Variants in FREM2 observed in about 807,000 individuals in gnomAD.
The protein encoded by FREM2 is FRAS1-related extracellular matrix protein 2.
In FREM2, 119 loss-of-function variants were observed where a neutral mutation model predicts 219.9. That is an observed-to-expected ratio of 0.54 (90% confidence interval 0.47 to 0.63). The LOEUF (loss-of-function observed/expected upper bound fraction) is 0.63. Among genes scored for constraint, FREM2 ranks in the 30% least tolerant of loss-of-function variants. The pLI, the probability that FREM2 is intolerant of heterozygous loss-of-function variation, is 0.00. For missense variants in FREM2, 4,030 were observed against 3,993.6 expected (o/e 1.01, Z -0.25); for synonymous variants, 1,562 against 1,522.8 (o/e 1.03, Z -0.60).
At position 38,689,870 on chromosome 13, in the gene FREM2, G is replaced by C; in HGVS notation, c.2526G>C (p.Lys842Asn). Residue 842 changes from lysine (K) to asparagine (N), a missense_variant, in exon 1 of 24, where the codon AAG becomes AAC. Transcript: ENST00000280481. ...ACACCGGCTTCACTATTCAGGAGAA[G>C]GGTCACCACATCCTGAGTGAGACAG... ...ILNTGFTIQE[K>N]GHHILSETEL... The C allele has an allele frequency of 6.2e-7, 1 of 1,614,168 alleles. No individual in the cohort carries two copies. Among genetic ancestry groups the C allele is most frequent in the Non-Finnish European group, 8.5e-7 (1 of 1,180,032 alleles).
At chr13:38,740,644 G>A (rs556714456) in intron 2 of FREM2, among the ~76,000 whole-genome samples, 17 of 152,216 alleles carry the variant, frequency 1.1e-4, no homozygotes, top group Non-Finnish European at 2.2e-4. Context: ...CTGTCATGAC[G>A]AAAAATTTAC....
chr13:38,874,857 T>C (rs1878289250), intron 18 of FREM2, among the ~76,000 whole-genome samples: 1 of 152,210 alleles, frequency 6.6e-6, no homozygotes, highest in South Asian at 2.1e-4. Flanking sequence ...TAAGTAAAGT[T>C]TTCCTTAAAG....
At chr13:38,754,888 T>TTATTATTA (rs1566129654) in intron 2 of FREM2, among the ~76,000 whole-genome samples, 3 of 110,160 alleles carry the variant, frequency 2.7e-5, no homozygotes, top group African/African-American at 1.0e-4. Context: ...ATGATGATGA[T>TTATTATTA]GATGATGATG....
chr13:38,832,816 G>T (rs186417326), intron 6 of FREM2, among the ~76,000 whole-genome samples: 8 of 152,102 alleles, frequency 5.3e-5, no homozygotes, highest in Admixed American at 1.3e-4. Flanking sequence ...AAGCTGAGGC[G>T]GACAGATCGC....
At chr13:38,734,988 C>T (rs1871929021) in intron 2 of FREM2, among the ~76,000 whole-genome samples, 1 of 152,106 alleles carries the variant, frequency 6.6e-6, no homozygotes, top group Admixed American at 6.5e-5. Flanking sequence ...CCTTGTGATC[C>T]ACCCGCCTTG....
intron 2 of FREM2, among the ~76,000 whole-genome samples, chr13:38,700,537 A>G (rs938917142): frequency 6.6e-6 from 1 of 152,084 alleles, no homozygotes; most frequent in African/African-American, 2.4e-5. Context: ...TTAGATTTCA[A>G]ACCTTCTATG....
chr13:38,741,174 G>A (rs528170720), intron 2 of FREM2, among the ~76,000 whole-genome samples: 10 of 152,120 alleles, frequency 6.6e-5, no homozygotes, highest in East Asian at 1.9e-4. Context: ...TGCAAAACAC[G>A]TGTTTCTTCC....
At chr13:38,742,531 A>G (rs2197886) in intron 2 of FREM2, among the ~76,000 whole-genome samples, 150,583 of 152,300 alleles carry the variant, frequency 0.99, 74,482 homozygotes, top group Middle Eastern at 1. Context: ...GATTTCAAAT[A>G]TGACGGTCTC....
At chr13:38,747,395 ATG>A (rs71917471) in intron 2 of FREM2, among the ~76,000 whole-genome samples, 15,332 of 142,876 alleles carry the variant, frequency 0.11, 834 homozygotes, top group South Asian at 0.2. Context: ...CTGATATAAT[ATG>A]TGTGTGTGTG....
intron 11 of FREM2, among the ~76,000 whole-genome samples, chr13:38,854,545 C>T (rs1164131656): frequency 6.6e-6 from 1 of 152,082 alleles, no homozygotes; most frequent in African/African-American, 2.4e-5. Flanking sequence ...ATGAAATTCC[C>T]AGATATTTAA....
At chr13:38,810,420 G>T (rs1438711212) in intron 6 of FREM2, among the ~76,000 whole-genome samples, 2 of 151,902 alleles carry the variant, frequency 1.3e-5, no homozygotes, top group African/African-American at 4.8e-5. Flanking sequence ...AGGGCTTTCA[G>T]GTTTTCCCCA....
At chr13:38,792,175 C>T (rs1331399576) in intron 6 of FREM2, among the ~76,000 whole-genome samples, 2 of 152,006 alleles carry the variant, frequency 1.3e-5, no homozygotes, top group African/African-American at 4.8e-5. Context: ...GGTGAAACTG[C>T]ATCTCTACTA....
chr13:38,692,487 G>A lies in FREM2; in HGVS notation c.5143G>A (p.Gly1715Ser), dbSNP rs145173977. The A allele has an allele frequency of 1.7e-5, 27 of 1,612,400 alleles. No individual in the cohort carries two copies. In the African/African-American group the frequency reaches 3.2e-4, roughly 19 times the overall value. ...TGGATATCTTCTCAACCTGGACAAA[G>A]GCAACCACAGCATCACTCAGTTCAC... ...QHGYLLNLDK[G>S]NHSITQFTQA... The change falls in exon 1 of 24, where the codon GGC becomes AGC. Residue 1715 changes from glycine (G) to serine (S), a missense_variant. By Grantham distance (56) the Gly-to-Ser change is moderately conservative. Around this residue, in one of 2 missense-constraint regions of FREM2, gnomAD observed 3,102 missense variants for 2,950.7 expected, o/e 1.05. Transcript: ENST00000280481.
intron 2 of FREM2, among the ~76,000 whole-genome samples, chr13:38,709,341 A>C (rs1009967024): frequency 1.3e-5 from 2 of 152,174 alleles, no homozygotes; most frequent in Non-Finnish European, 2.9e-5. Flanking sequence ...TCTCAAAGCT[A>C]GATTCAAAAC....
At position 38,880,861 on chromosome 13, in the gene FREM2, G is replaced by C. The variant is rs1878522772; in HGVS notation, c.*74G>C. On this transcript the variant is annotated 3_prime_UTR_variant, in exon 24 of 24. Transcript: ENST00000280481. ...CACAATGGAACCTTAAATACTTCTG[G>C]TAAACCATAGAGAATGGAGGATGGC... is the stretch of plus-strand genomic sequence containing the variant. 2 of 1,529,644 alleles carry C rather than the reference G, an allele frequency of 1.3e-6. No individual in the cohort carries two copies. Among genetic ancestry groups the C allele is most frequent in the Non-Finnish European group, 9.0e-7 (1 of 1,109,752 alleles). The allele number at this position is 1,529,644 out of a possible 1,614,324, so 94.8% of individuals were successfully genotyped here.
At chr13:38,694,122 C>G (rs1315973964) in intron 1 of FREM2, among the ~76,000 whole-genome samples, 2 of 152,170 alleles carry the variant, frequency 1.3e-5, no homozygotes, top group African/African-American at 4.8e-5. Context: ...ATTCTGTGGA[C>G]TAAGTCCAAC....
At position 38,869,766 on chromosome 13, in the gene FREM2, A is replaced by G. The variant is rs190761545; in HGVS notation, c.7984-2976A>G. ...AAAGTTGTTTGGGTTCACAATAAAA[A>G]ACACTTTAGATGCAAAATGGTTATT... On this transcript the variant is annotated intron_variant, in intron 16 of 23. Coordinates refer to ENST00000280481, the MANE Select transcript of FREM2 (RefSeq NM_207361.6). Among the ~76,000 whole-genome samples the G allele has an allele frequency of 3.5e-3, 527 of 152,366 alleles. 2 individuals carry two copies. Among genetic ancestry groups the G allele is most frequent in the South Asian group, 8.7e-3 (42 of 4,832 alleles).
chr13:38,720,578 G>T (rs1871185516), intron 2 of FREM2, among the ~76,000 whole-genome samples: 1 of 152,166 alleles, frequency 6.6e-6, no homozygotes, highest in Non-Finnish European at 1.5e-5. Flanking sequence ...CAGGTGTCAG[G>T]CAGGATTCCT....
At chr13:38,750,350 A>T (rs1872691867) in intron 2 of FREM2, among the ~76,000 whole-genome samples, 1 of 152,106 alleles carries the variant, frequency 6.6e-6, no homozygotes, top group Admixed American at 6.5e-5. Context: ...CGGGAGTGAG[A>T]CTTACCTATG....
Sources: gnomAD v4.1 joint callset for allele counts (sites outside exome capture counted in the v4.1 genomes callset) on GRCh38, gnomAD v4.1.1 for gene constraint, gnomAD v4.1.1 regional missense constraint, MANE v1.5 for transcripts, NCBI Gene and HGNC (gene_info 2026-07-23, HGNC 2026-07-21) for gene names.